The following MSRA variants were observed in gnomAD, a reference collection of about 807,000 sequenced individuals.
The protein encoded by MSRA is mitochondrial peptide methionine sulfoxide reductase.
In MSRA, 54 loss-of-function variants were observed where a neutral mutation model predicts 31.3. The ratio of observed to expected loss-of-function variants is 1.73; its 90% confidence interval spans 1.39 to 2.17. MSRA has a LOEUF of 2.17. MSRA is among the 30% of genes most tolerant of loss of function. MSRA has a pLI of 0.00. For synonymous variants in MSRA, 169 were observed against 116.5 expected, an observed-to-expected ratio of 1.45 and a Z score of -2.90; for missense variants, 507 against 300.9, an observed-to-expected ratio of 1.69 and a Z score of -5.07.
chr8:10,335,952 T>G (rs1803013561), intron 5 of MSRA, among the ~76,000 whole-genome samples: 1 of 152,140 alleles, frequency 6.6e-6, no homozygotes, highest in Non-Finnish European at 1.5e-5. Context: ...ACACTCCCGC[T>G]CCCTGATTCC....
chr8:10,351,639 G>A (rs1456896855), intron 5 of MSRA, among the ~76,000 whole-genome samples: 1 of 152,216 alleles, frequency 6.6e-6, no homozygotes, highest in African/African-American at 2.4e-5. Context: ...TCTTTGTAGG[G>A]CAGGATGGGA....
chr8:10,343,046 C>T (rs980350655), intron 5 of MSRA, among the ~76,000 whole-genome samples: 1 of 100,658 alleles, frequency 9.9e-6, no homozygotes, highest in African/African-American at 3.8e-5. Context: ...CACACACACA[C>T]ACACACAGAC....
chr8:10,186,682 A>G (rs1000101252), intron 1 of MSRA, among the ~76,000 whole-genome samples: 3 of 152,276 alleles, frequency 2.0e-5, no homozygotes, highest in Non-Finnish European at 4.4e-5. Flanking sequence ...TGCAGGTGAA[A>G]GGCTTTGTTG....
intron 5 of MSRA, among the ~76,000 whole-genome samples, chr8:10,408,108 C>G (rs1051096163): frequency 1.3e-5 from 2 of 152,184 alleles, no homozygotes; most frequent in Admixed American, 6.5e-5. Context: ...TCACCACAGA[C>G]AGAACTGGCT....
At chr8:10,186,310 C>T (rs1478688607) in intron 1 of MSRA, among the ~76,000 whole-genome samples, 1 of 152,114 alleles carries the variant, frequency 6.6e-6, no homozygotes, top group Non-Finnish European at 1.5e-5. Context: ...GCAGGCCATA[C>T]GGTTCCTGTC....
At chr8:10,218,083 T>C (rs889636340) in intron 2 of MSRA, among the ~76,000 whole-genome samples, 2 of 151,942 alleles carry the variant, frequency 1.3e-5, no homozygotes, top group Non-Finnish European at 2.9e-5. Flanking sequence ...GTGTGTTTCA[T>C]TCAGGAGGCA....
At chr8:10,276,011 C>T (rs1351835073) in intron 3 of MSRA, among the ~76,000 whole-genome samples, 3 of 152,236 alleles carry the variant, frequency 2.0e-5, no homozygotes, top group South Asian at 2.1e-4. Context: ...CCTTCTGTTG[C>T]TCCAACACTG....
chr8:10,406,294 C>T (rs941767614), intron 5 of MSRA, among the ~76,000 whole-genome samples: 1 of 152,218 alleles, frequency 6.6e-6, no homozygotes, highest in Non-Finnish European at 1.5e-5. Context: ...TCCTTAACCT[C>T]TCTGAACCTG....
intron 1 of MSRA, among the ~76,000 whole-genome samples, chr8:10,164,451 G>C (rs1473726451): frequency 6.6e-6 from 1 of 152,086 alleles, no homozygotes; most frequent in East Asian, 1.9e-4. Flanking sequence ...AGCTTCCTGA[G>C]CTTTTTAGAA....
chr8:10,198,324 T>C (rs79331791), intron 1 of MSRA, among the ~76,000 whole-genome samples: 1 of 152,068 alleles, frequency 6.6e-6, no homozygotes, highest in Non-Finnish European at 1.5e-5. Context: ...ATTTTTTTTT[T>C]TGTTGTTCTT....
intron 2 of MSRA, among the ~76,000 whole-genome samples, chr8:10,239,328 A>G (rs192468663): frequency 6.6e-6 from 1 of 152,072 alleles, no homozygotes; most frequent in African/African-American, 2.4e-5. Flanking sequence ...TGCCCAGCTA[A>G]TTTTTGTGTT....
intron 1 of MSRA, among the ~76,000 whole-genome samples, chr8:10,094,103 A>C (rs1798998601): frequency 2.0e-5 from 3 of 152,240 alleles, no homozygotes; most frequent in Non-Finnish European, 4.4e-5. Context: ...TAGTCTGCCC[A>C]CGTTTCATCA....
chr8:10,240,247 G>A (rs1812291525), intron 2 of MSRA, among the ~76,000 whole-genome samples: 2 of 152,228 alleles, frequency 1.3e-5, no homozygotes, highest in Admixed American at 1.3e-4. Context: ...GAGTGGTGCT[G>A]TGTGAGGCAC....
At chr8:10,072,636 C>G (rs991590561) in intron 1 of MSRA, among the ~76,000 whole-genome samples, 1 of 152,208 alleles carries the variant, frequency 6.6e-6, no homozygotes, top group Non-Finnish European at 1.5e-5. Context: ...AATAAACTCT[C>G]TGTCAACAGA....
At chr8:10,177,343 A>C (rs1462954100) in intron 1 of MSRA, among the ~76,000 whole-genome samples, 4 of 152,212 alleles carry the variant, frequency 2.6e-5, no homozygotes, top group African/African-American at 4.8e-5. Flanking sequence ...ACACTGATGG[A>C]TATGGTGGAG....
chr8:10,185,577 G>C (rs1266228807), intron 1 of MSRA, among the ~76,000 whole-genome samples: 1 of 152,162 alleles, frequency 6.6e-6, no homozygotes, highest in African/African-American at 2.4e-5. Flanking sequence ...GAGTCATTGC[G>C]AGAAGGTCCA....
At chr8:10,117,302 G>A (rs1040042724) in intron 1 of MSRA, among the ~76,000 whole-genome samples, 14 of 152,160 alleles carry the variant, frequency 9.2e-5, no homozygotes, top group Non-Finnish European at 1.8e-4. Context: ...TGGGCATTTA[G>A]GGAAAAGAAT....
At chr8:10,314,630 C>T (rs1352704385) in intron 4 of MSRA, among the ~76,000 whole-genome samples, 1 of 152,202 alleles carries the variant, frequency 6.6e-6, no homozygotes, top group Non-Finnish European at 1.5e-5. Context: ...AAACACTATA[C>T]AGCAACAATT....
chr8:10,147,529 C>T (rs150199228), intron 1 of MSRA, among the ~76,000 whole-genome samples: 2 of 152,192 alleles, frequency 1.3e-5, no homozygotes, highest in East Asian at 1.9e-4. Flanking sequence ...GGAAGTGACA[C>T]ACTCTGTCTC....
Sources: allele counts gnomAD v4.1 joint callset (sites outside exome capture counted in the v4.1 genomes callset), GRCh38; gene constraint gnomAD v4.1.1; transcripts MANE v1.5; gene names NCBI Gene and HGNC (gene_info 2026-07-23, HGNC 2026-07-21).